SLC25A10: variants seen among roughly 807,000 people sequenced by gnomAD.
The protein encoded by SLC25A10 is solute carrier family 25 member 10.
SLC25A10 carries 32 observed loss-of-function variants against 40.4 expected under a neutral mutation model. That is an observed-to-expected ratio of 0.79 (90% confidence interval 0.60 to 1.06). The LOEUF (loss-of-function observed/expected upper bound fraction) is 1.06. SLC25A10 is among the 50% of genes least tolerant of loss of function. The pLI, the probability that SLC25A10 is intolerant of heterozygous loss-of-function variation, is 0.00. For missense variants in SLC25A10, 394 were observed against 402.6 expected, an observed-to-expected ratio of 0.98 and a Z score of 0.18; for synonymous variants, 181 against 171.1, an observed-to-expected ratio of 1.06 and a Z score of -0.45.
Position 81,716,988 on chromosome 17 carries a change from C to T in SLC25A10, c.464-14C>T, listed in dbSNP as rs370144158. On this transcript the variant is annotated splice_polypyrimidine_tract_variant and intron_variant, in intron 6 of 10. Coordinates refer to ENST00000350690, the MANE Select transcript of SLC25A10 (RefSeq NM_012140.5). ...CCCTTGCCTCACCCCTTGCCTCACC[C>T]CTTCCTTGTGCAGAGGGTCTCAGGA... 1 of 1,613,496 alleles carries T rather than the reference C, an allele frequency of 6.2e-7. No homozygotes were observed.
In SLC25A10 at chr17:81,715,740, A is replaced by G; in HGVS notation, c.376A>G (p.Arg126Gly). 6.2e-7 allele frequency: 1 copy of G among 1,613,250 alleles called. No homozygotes were observed. Among genetic ancestry groups the G allele is most frequent in the Non-Finnish European group, 8.5e-7 (1 of 1,179,940 alleles). The change falls in exon 4 of 11, where the codon AGG becomes GGG. Residue 126 changes from arginine to glycine, a missense_variant and splice_region_variant. Arg to Gly is a moderately radical substitution (Grantham distance 125). Transcript: ENST00000350690. Reference protein sequence around the residue: ...VGTPADLVNVRMQNDVKLPQG... With the variant: ...VGTPADLVNVGMQNDVKLPQG... ...GACGCCCGCAGACTTGGTCAACGTC[A>G]GGTTGGTGTTCCCCCACCCCACCTG...
intron 5 of SLC25A10, among the ~76,000 whole-genome samples, chr17:81,716,390 C>T (rs1344740834): frequency 6.6e-6 from 1 of 152,204 alleles, no homozygotes; most frequent in African/African-American, 2.4e-5. Context: ...CTCAGGGCAG[C>T]TGTGCCCTCC....
At position 81,717,470 on chromosome 17, in the gene SLC25A10, C is replaced by T. The variant is rs1329815245; in HGVS notation, c.606C>T (p.His202=). 2.5e-6 allele frequency: 4 copies of T among 1,613,680 alleles called. No homozygotes were observed. The highest frequency in any genetic ancestry group is 2.5e-6 in the Non-Finnish European group (3 of 1,179,908). Reference sequence around the variant, plus strand: ...ACCTCTCTGACAACATCTTCACTCACTTTGTCGCCAGCTTTATTGCAGTAA... The same window carrying T: ...ACCTCTCTGACAACATCTTCACTCATTTTGTCGCCAGCTTTATTGCAGTAA... ...TGYLSDNIFT[H]FVASFIAGGC... The change falls in exon 8 of 11, where the codon CAC becomes CAT. Residue 202 remains histidine (H), a synonymous_variant. Transcript: ENST00000350690.
Position 81,717,350 on chromosome 17 carries a change from C to T in SLC25A10, c.535-49C>T, listed in dbSNP as rs188818518. 9 of 1,588,176 alleles carry T rather than the reference C, an allele frequency of 5.7e-6. No individual in the cohort carries two copies. In the East Asian group the frequency reaches 1.3e-4, roughly 24 times the overall value. ...TCGCCTGGGGCCCTGTGTGCTTTCCCCAAGCTGGGGTCCCCCCTACAGCCC... is the reference window on the plus strand; with the variant it reads ...TCGCCTGGGGCCCTGTGTGCTTTCCTCAAGCTGGGGTCCCCCCTACAGCCC... On this transcript the variant is annotated intron_variant, in intron 7 of 10. Coordinates refer to ENST00000350690, the MANE Select transcript of SLC25A10 (RefSeq NM_012140.5).
intron 1 of SLC25A10, among the ~76,000 whole-genome samples, chr17:81,714,511 C>T (rs953089033): frequency 5.3e-5 from 8 of 152,248 alleles, no homozygotes. Flanking sequence ...CTCCCATGGT[C>T]CTGCAGGCTC....
At chr17:81,718,013 T>C (rs1366283385) in intron 9 of SLC25A10, 152 bp downstream of exon 9, 2 of 648,678 alleles carry the variant, frequency 3.1e-6, no homozygotes, top group African/African-American at 3.6e-5. Flanking sequence ...TGGGAGAGGG[T>C]TGTGCCTTTG....
chr17:81,715,972 G>GCCC, intron 4 of SLC25A10, 37 bp from the exon 5 acceptor site: 1 of 1,540,422 alleles, frequency 6.5e-7, no homozygotes. Context: ...ATGCCCCTCG[G>GCCC]CCCGCCCGCC....
At chr17:81,717,900 C>T in intron 9 of SLC25A10, 39 bp downstream of exon 9, 1 of 1,508,362 alleles carries the variant, frequency 6.6e-7, no homozygotes, top group Non-Finnish European at 9.1e-7. Flanking sequence ...GCTGCACAGC[C>T]CAGCGAGTCC....
rs1196461960 is a variant in SLC25A10 at position 81,717,069 on chromosome 17, C to T, written c.531C>T (p.Gly177=). The T allele has an allele frequency of 6.2e-7, 1 of 1,613,618 alleles. No individual in the cohort carries two copies. Among genetic ancestry groups the T allele is most frequent in the South Asian group, 1.1e-5 (1 of 91,086 alleles). The change falls in exon 7 of 11, where the codon GGC becomes GGT. Residue 177 remains glycine (G), a synonymous_variant. Transcript: ENST00000350690. ...GCCGAGGGGCCTTAGTCACTGTGGG[C>T]CAGGTAGGCCTCCTGCGTGGGGTGG... The part of the protein sequence containing the change: ...ASSRGALVTV[G]QLSCYDQAKQ...
At chr17:81,718,647 T>A (rs1013067576) in intron 9 of SLC25A10, among the ~76,000 whole-genome samples, 1 of 150,948 alleles carries the variant, frequency 6.6e-6, no homozygotes, top group Non-Finnish European at 1.5e-5. Flanking sequence ...AGAGTGAGAC[T>A]GTCTTAAAAC....
chr17:81,720,848 A>C lies in SLC25A10; in HGVS notation c.*771A>C. Reference sequence around the variant, plus strand: ...CCCCCCCGCTTGGCTCCCTGGGGGAATGGCCCAGGCGGGCCGCGGTTCCTC... The same window carrying C: ...CCCCCCCGCTTGGCTCCCTGGGGGACTGGCCCAGGCGGGCCGCGGTTCCTC... On this transcript the variant is annotated 3_prime_UTR_variant, in exon 11 of 11. Transcript: ENST00000350690. The C allele has an allele frequency of 9.5e-6, 2 of 210,260 alleles. No individual in the cohort carries two copies. Among genetic ancestry groups the C allele is most frequent in the Middle Eastern group, 1.5e-3 (1 of 646 alleles). The allele number at this position is 210,260 out of a possible 1,614,324, so 13.0% of individuals were successfully genotyped here. A position where few individuals can be genotyped will look rare whatever the true frequency, so the allele number is the denominator to read the frequency against.
chr17:81,720,915 G>A lies in SLC25A10; in HGVS notation c.*838G>A, dbSNP rs2037580129. On this transcript the variant is annotated 3_prime_UTR_variant, in exon 11 of 11. Transcript: ENST00000350690. ...CGACAAGGAGTCCGACGGGGCGGAT[G>A]CTGCATCCTCTGCCTCCCTGGTCGC... is the stretch of plus-strand genomic sequence containing the variant. 1 of 162,628 alleles carries A rather than the reference G, an allele frequency of 6.1e-6. No individual in the cohort carries two copies. Among genetic ancestry groups the A allele is most frequent in the African/African-American group, 2.4e-5 (1 of 41,880 alleles). The allele number at this position is 162,628 out of a possible 1,614,324, so 10.1% of individuals were successfully genotyped here. A position where few individuals can be genotyped will look rare whatever the true frequency, so the allele number is the denominator to read the frequency against.
At position 81,720,760 on chromosome 17, in the gene SLC25A10, T is replaced by C. The variant is rs987015887; in HGVS notation, c.*683T>C. ...TAACAGTTAGTTTTGCCAAAGCCTC[T>C]CCACTCACCAGCAGGCGGTCTCTGT... On this transcript the variant is annotated 3_prime_UTR_variant, in exon 11 of 11. Coordinates refer to ENST00000350690, the MANE Select transcript of SLC25A10 (RefSeq NM_012140.5). 1.1e-4 allele frequency: 38 copies of C among 352,652 alleles called. No individual in the cohort carries two copies. The highest frequency in any genetic ancestry group is 7.3e-4 in the African/African-American group (35 of 47,650). 21.8% of individuals were successfully genotyped at this position (352,652 alleles called of 1,614,324 possible).
chr17:81,717,575 G>T, intron 8 of SLC25A10, 84 bp downstream of exon 8: 2 of 1,510,488 alleles, frequency 1.3e-6, no homozygotes, highest in South Asian at 2.3e-5. Flanking sequence ...AGGGCTGGGG[G>T]AGGCGGGGGC....
In SLC25A10 at chr17:81,716,691, T is replaced by A. The variant is rs532216140; in HGVS notation, c.420-121T>A. On this transcript the variant is annotated intron_variant, in intron 5 of 10. Coordinates refer to ENST00000350690, the MANE Select transcript of SLC25A10 (RefSeq NM_012140.5). ...GCTTCATGTTCCCAGGGAGAGATCT[T>A]CAGGCCCATGAGGCCTCTGCTTCCT... is the stretch of plus-strand genomic sequence containing the variant. The A allele has an allele frequency of 6.8e-4, 652 of 960,062 alleles. 3 individuals are homozygous for A. In the African/African-American group the frequency reaches 9.7e-3, roughly 14 times the overall value. The allele number at this position is 960,062 out of a possible 1,614,324, so 59.5% of individuals were successfully genotyped here.
intron 6 of SLC25A10, 53 bp from the exon 7 acceptor site, chr17:81,716,949 G>T (rs1027693548): frequency 8.7e-7 from 1 of 1,151,956 alleles, no homozygotes; most frequent in Non-Finnish European, 1.2e-6. Context: ...TTTGGGCCAG[G>T]TGCCTGGCCT....
rs1272786576 is a variant in SLC25A10 at position 81,717,064 on chromosome 17, G to A, written c.526G>A (p.Val176Met). 1.2e-6 allele frequency: 2 copies of A among 1,613,738 alleles called. No homozygotes were observed. The highest frequency in any genetic ancestry group is 2.2e-5 in the South Asian group (2 of 91,088). ...MASSRGALVTVGQLSCYDQAK... is the reference protein window; with the variant it reads ...MASSRGALVTMGQLSCYDQAK... ...ATCCAGCCGAGGGGCCTTAGTCACT[G>A]TGGGCCAGGTAGGCCTCCTGCGTGG... The change falls in exon 7 of 11, where the codon GTG (valine) becomes ATG (methionine). Residue 176 changes from valine to methionine, a missense_variant. Coordinates refer to ENST00000350690, the MANE Select transcript of SLC25A10 (RefSeq NM_012140.5).
At chr17:81,715,402 C>A (rs973387792) in intron 2 of SLC25A10, 76 bp from the exon 3 acceptor site, 3 of 1,303,824 alleles carry the variant, frequency 2.3e-6, no homozygotes, top group Admixed American at 3.5e-5. Flanking sequence ...TGAGGGGGAT[C>A]CCTGGCTGGG....
At chr17:81,714,572 G>A (rs1183734306) in intron 1 of SLC25A10, among the ~76,000 whole-genome samples, 2 of 152,200 alleles carry the variant, frequency 1.3e-5, no homozygotes, top group African/African-American at 2.4e-5. Context: ...GAGACGTGGT[G>A]TGGTGGATAA....
Sources: gnomAD v4.1 joint callset for allele counts (sites outside exome capture counted in the v4.1 genomes callset) on GRCh38, gnomAD v4.1.1 for gene constraint, MANE v1.5 for transcripts, NCBI Gene and HGNC (gene_info 2026-07-23, HGNC 2026-07-21) for gene names.